Variants in CDH20 observed in about 807,000 individuals in gnomAD.
The protein encoded by CDH20 is cadherin-20.
Under a neutral mutation model 74.2 loss-of-function variants are expected in CDH20, and 29 were observed. The ratio of observed to expected loss-of-function variants is 0.39; its 90% CI spans 0.29 to 0.53. The LOEUF (loss-of-function observed/expected upper bound fraction) is 0.53, where lower values mean the gene tolerates loss of function less well. CDH20 is among the 20% of genes least tolerant of loss of function. The pLI is 0.69. For missense variants in CDH20, 988 were observed against 1,048.3 expected, an observed-to-expected ratio of 0.94 and a Z score of 0.79; for synonymous variants, 469 against 405.4, an observed-to-expected ratio of 1.16 and a Z score of -1.88.
rs1389831003 is a variant in CDH20 at position 61,398,283 on chromosome 18, GTTC to G, written c.-153+64459_-153+64461del. Among the ~76,000 whole-genome samples, 5 of 152,250 alleles carry G rather than the reference GTTC, an allele frequency of 3.3e-5. No homozygotes were observed. In the South Asian group the frequency reaches 1.0e-3, roughly 32 times the overall value. On this transcript the variant is annotated intron_variant, in intron 1 of 11. Coordinates refer to ENST00000262717, the MANE Select transcript of CDH20 (RefSeq NM_031891.4). ...AGTTTTATCTGCTTTGTAATTGATA[GTTC>G]TTGTTTCTAATCATCCTATAAAAAC...
chr18:61,425,025 T>C (rs1045267219), intron 1 of CDH20, among the ~76,000 whole-genome samples: 23 of 147,806 alleles, frequency 1.6e-4, no homozygotes, highest in African/African-American at 5.7e-4. Flanking sequence ...TCCCTCTCTC[T>C]CCCACTTCCC....
intron 1 of CDH20, among the ~76,000 whole-genome samples, chr18:61,339,912 G>C (rs912773156): frequency 6.6e-6 from 1 of 151,768 alleles, no homozygotes; most frequent in Admixed American, 6.6e-5. Context: ...GGATGGTCTC[G>C]ATCTGCTGAC....
chr18:61,396,028 G>C (rs1052391193), intron 1 of CDH20, among the ~76,000 whole-genome samples: 1 of 126,578 alleles, frequency 7.9e-6, no homozygotes, highest in Non-Finnish European at 1.8e-5. Context: ...TATCTCTCCT[G>C]TGCACTCACA....
intron 1 of CDH20, among the ~76,000 whole-genome samples, chr18:61,362,727 A>G (rs1424845511): frequency 6.6e-6 from 1 of 152,122 alleles, no homozygotes; most frequent in African/African-American, 2.4e-5. Context: ...TACTACTATG[A>G]CTAAGTACTA....
intron 1 of CDH20, among the ~76,000 whole-genome samples, chr18:61,448,758 A>C (rs892435638): frequency 3.3e-5 from 5 of 152,210 alleles, no homozygotes; most frequent in Admixed American, 2.6e-4. Context: ...ATATTAAGAC[A>C]AGTGACTAAA....
At chr18:61,379,184 G>A (rs542169402) in intron 1 of CDH20, among the ~76,000 whole-genome samples, 9 of 152,236 alleles carry the variant, frequency 5.9e-5, no homozygotes, top group South Asian at 2.1e-4. Context: ...GATAATTACC[G>A]CAGAAGAGTG....
At chr18:61,498,847 G>T (rs975219273) in intron 2 of CDH20, among the ~76,000 whole-genome samples, 1 of 152,230 alleles carries the variant, frequency 6.6e-6, no homozygotes, top group East Asian at 1.9e-4. Context: ...TGGAAAGGCA[G>T]GAATCCTCCT....
At chr18:61,414,088 A>C (rs1165009325) in intron 1 of CDH20, among the ~76,000 whole-genome samples, 1 of 152,140 alleles carries the variant, frequency 6.6e-6, no homozygotes, top group Non-Finnish European at 1.5e-5. Context: ...CTTATGAATG[A>C]GTCTTCTTGT....
At chr18:61,348,106 T>G (rs12953685) in intron 1 of CDH20, among the ~76,000 whole-genome samples, 64,744 of 151,762 alleles carry the variant, frequency 0.43, 16,044 homozygotes, top group East Asian at 0.55. Flanking sequence ...TTCATTTTTT[T>G]GGGGGGGTGG....
chr18:61,362,867 C>T (rs889248530), intron 1 of CDH20, among the ~76,000 whole-genome samples: 3 of 152,032 alleles, frequency 2.0e-5, no homozygotes, highest in Admixed American at 2.0e-4. Context: ...GTTTAATTTA[C>T]TTATCCAAAA....
chr18:61,341,353 C>CT (rs1909941894), intron 1 of CDH20, among the ~76,000 whole-genome samples: 1 of 152,018 alleles, frequency 6.6e-6, no homozygotes, highest in Non-Finnish European at 1.5e-5. Flanking sequence ...TGGGGTCCCC[C>CT]TTTTTTTAAG....
At chr18:61,439,809 T>C (rs1908967590) in intron 1 of CDH20, among the ~76,000 whole-genome samples, 3 of 152,116 alleles carry the variant, frequency 2.0e-5, no homozygotes, top group African/African-American at 7.2e-5. Context: ...ATAACCCCCA[T>C]ATGTGGAGAA....
intron 1 of CDH20, among the ~76,000 whole-genome samples, chr18:61,372,483 A>G (rs957065140): frequency 1.6e-4 from 25 of 152,126 alleles, no homozygotes; most frequent in African/African-American, 6.0e-4. Context: ...AATTATTTAA[A>G]TTCTCCCTAG....
At chr18:61,379,559 G>A (rs1911363539) in intron 1 of CDH20, among the ~76,000 whole-genome samples, 1 of 152,162 alleles carries the variant, frequency 6.6e-6, no homozygotes, top group African/African-American at 2.4e-5. Flanking sequence ...CACATAGACA[G>A]AGTATCTATT....
chr18:61,449,313 T>G (rs570671538), intron 1 of CDH20, among the ~76,000 whole-genome samples: 1 of 152,252 alleles, frequency 6.6e-6, no homozygotes, highest in Non-Finnish European at 1.5e-5. Context: ...AGGGAAGGAA[T>G]AAAAACCTTT....
intron 1 of CDH20, among the ~76,000 whole-genome samples, chr18:61,426,538 A>T (rs907476669): frequency 6.6e-6 from 1 of 151,952 alleles, no homozygotes; most frequent in Non-Finnish European, 1.5e-5. Flanking sequence ...ACAAAACCTA[A>T]GTAAGGCTCC....
chr18:61,437,035 T>C (rs1022441445), intron 1 of CDH20, among the ~76,000 whole-genome samples: 3 of 152,146 alleles, frequency 2.0e-5, no homozygotes, highest in Non-Finnish European at 4.4e-5. Context: ...TCCTGGAACA[T>C]AGTAGGCACT....
intron 2 of CDH20, among the ~76,000 whole-genome samples, chr18:61,493,014 T>C (rs965992937): frequency 1.3e-5 from 2 of 152,204 alleles, no homozygotes; most frequent in Non-Finnish European, 2.9e-5. Context: ...CCTTAACCTG[T>C]AGTAGTAAAT....
At chr18:61,457,252 A>C (rs561426384) in intron 1 of CDH20, among the ~76,000 whole-genome samples, 1 of 152,086 alleles carries the variant, frequency 6.6e-6, no homozygotes, top group African/African-American at 2.4e-5. Context: ...TGGGATGTGA[A>C]TCTAGAACAC....
Sources: gnomAD v4.1 joint callset for allele counts (sites outside exome capture counted in the v4.1 genomes callset) on GRCh38, gnomAD v4.1.1 for gene constraint, MANE v1.5 for transcripts, NCBI Gene and HGNC (gene_info 2026-07-23, HGNC 2026-07-21) for gene names.